Variants in GARRE1 observed in about 807,000 individuals in gnomAD.
The protein encoded by GARRE1 is granule associated Rac and RHOG effector protein 1.
In GARRE1, 49 loss-of-function variants were observed where a neutral mutation model predicts 103.2. That is an observed-to-expected ratio of 0.47 (90% CI 0.38 to 0.60). The LOEUF is 0.60. Ranked by LOEUF, GARRE1 falls within the 20% of genes least tolerant of loss-of-function variation. GARRE1 has a pLI of 0.00. For synonymous variants in GARRE1, 505 were observed against 532.8 expected (o/e 0.95, Z 0.72); for missense variants, 1,199 against 1,370.5 (o/e 0.87, Z 1.98).
At position 34,301,057 on chromosome 19, in the gene GARRE1, G is replaced by A. The variant is rs891316055; in HGVS notation, c.495+89G>A. On this transcript the variant is annotated intron_variant, in intron 2 of 13. Coordinates refer to ENST00000299505, the MANE Select transcript of GARRE1 (RefSeq NM_014686.5). ...GTCTTAAGTTTTTTTCCAAATCACT[G>A]TAATAGTAGCCTTTGTCCTCTTGCT... 9.7e-6 allele frequency: 13 copies of A among 1,344,886 alleles called. No individual in the cohort carries two copies. The Admixed American group carries it at 2.1e-4, about 22-fold the overall frequency. The allele number at this position is 1,344,886 out of a possible 1,614,324, so 83.3% of individuals were successfully genotyped here.
rs530964966 is a variant in GARRE1, at chr19:34,352,536, T to C, written c.2905-111T>C. The stretch of plus-strand genomic sequence containing the variant: ...TGTTGGACAGGGGTGTGGGAGTGAG[T>C]GGGGCTCTCACCCGGCTTCCTAGGA... On this transcript the variant is annotated intron_variant, in intron 13 of 13. Coordinates refer to ENST00000299505, the MANE Select transcript of GARRE1 (RefSeq NM_014686.5). The C allele has an allele frequency of 1.4e-5, 12 of 843,504 alleles. No individual in the cohort carries two copies. The Admixed American group carries it at 2.2e-4, about 15-fold the overall frequency. The allele number at this position is 843,504 out of a possible 1,614,324, so 52.3% of individuals were successfully genotyped here.
At chr19:34,334,456 TGGG>T (rs1192865979) in intron 8 of GARRE1, among the ~76,000 whole-genome samples, 1 of 152,156 alleles carries the variant, frequency 6.6e-6, no homozygotes, top group Non-Finnish European at 1.5e-5. Context: ...CCTAGCACTT[TGGG>T]AGGCCAAGGC....
At chr19:34,329,039 T>A (rs1435096202) in intron 6 of GARRE1, among the ~76,000 whole-genome samples, 1 of 152,246 alleles carries the variant, frequency 6.6e-6, no homozygotes, top group Non-Finnish European at 1.5e-5. Flanking sequence ...GATGTTGTTA[T>A]AATGCTGCAG....
chr19:34,292,286 T>A (rs1166150982), intron 1 of GARRE1, among the ~76,000 whole-genome samples: 2 of 152,270 alleles, frequency 1.3e-5, no homozygotes, highest in Non-Finnish European at 2.9e-5. Flanking sequence ...TTCGTCCATA[T>A]TGTAGCATTT....
intron 2 of GARRE1, among the ~76,000 whole-genome samples, chr19:34,311,539 C>T (rs977185470): frequency 1.1e-4 from 17 of 152,144 alleles, no homozygotes; most frequent in Admixed American, 9.8e-4. Context: ...GATGCCCTGG[C>T]GTCTCCATTC....
chr19:34,282,622 C>A (rs2073862586), intron 1 of GARRE1, among the ~76,000 whole-genome samples: 2 of 152,136 alleles, frequency 1.3e-5, no homozygotes, highest in African/African-American at 2.4e-5. Flanking sequence ...GTCTGGTGAT[C>A]CTTATCAATG....
intron 1 of GARRE1, among the ~76,000 whole-genome samples, chr19:34,262,385 T>C (rs1471585499): frequency 2.9e-5 from 4 of 138,814 alleles, no homozygotes; most frequent in African/African-American, 5.7e-5. Flanking sequence ...AACCTCCACC[T>C]CCTGGGTCGA....
chr19:34,257,058 A>T (rs1481484322), intron 1 of GARRE1, among the ~76,000 whole-genome samples: 1 of 152,172 alleles, frequency 6.6e-6, no homozygotes. Context: ...GTAGGTTGGC[A>T]TTGGAGACCA....
intron 1 of GARRE1, among the ~76,000 whole-genome samples, chr19:34,261,452 G>C (rs1050082381): frequency 6.6e-6 from 1 of 151,942 alleles, no homozygotes; most frequent in Non-Finnish European, 1.5e-5. Context: ...CCATGGAACT[G>C]CTTGCTTCTG....
At chr19:34,319,747 C>CAA (rs2074076468) in intron 2 of GARRE1, among the ~76,000 whole-genome samples, 160 bp from the exon 3 acceptor site, 1 of 150,872 alleles carries the variant, frequency 6.6e-6, no homozygotes, top group East Asian at 1.9e-4. Context: ...AACACAAAAA[C>CAA]AAAGGCAGAT....
intron 12 of GARRE1, among the ~76,000 whole-genome samples, chr19:34,350,165 A>G (rs1162273149): frequency 6.6e-6 from 1 of 152,236 alleles, no homozygotes; most frequent in Non-Finnish European, 1.5e-5. Flanking sequence ...TTCTATTTCC[A>G]GCACTTAGTC....
intron 10 of GARRE1, among the ~76,000 whole-genome samples, chr19:34,344,114 C>G (rs1396223291): frequency 1.3e-5 from 2 of 152,104 alleles, no homozygotes; most frequent in South Asian, 2.1e-4. Context: ...TGAACCCCCC[C>G]CACAAAAAAA....
chr19:34,325,017 C>T (rs1276746051), intron 3 of GARRE1, among the ~76,000 whole-genome samples: 3 of 152,318 alleles, frequency 2.0e-5, no homozygotes, highest in East Asian at 3.9e-4. Flanking sequence ...GTGCCTTCTT[C>T]CATGTTTTCA....
chr19:34,265,391 G>A lies in GARRE1; in HGVS notation c.-796+10777G>A, dbSNP rs141369382. On this transcript the variant is annotated intron_variant, in intron 1 of 13. Transcript: ENST00000299505. ...CCTGGGTGTCAAGGTGGGAGAGAAT[G>A]CGCTACATCCTTGTGCTTGAGTCAC... Among the ~76,000 whole-genome samples, 9 of 152,310 alleles carry A rather than the reference G, an allele frequency of 5.9e-5. No homozygotes were observed. In the South Asian group the frequency reaches 1.0e-3, roughly 18 times the overall value.
intron 3 of GARRE1, among the ~76,000 whole-genome samples, chr19:34,321,775 C>T (rs757280235): frequency 3.9e-5 from 6 of 152,182 alleles, no homozygotes; most frequent in Non-Finnish European, 7.3e-5. Context: ...TGCACTGGGC[C>T]AACATGAAGT....
intron 2 of GARRE1, among the ~76,000 whole-genome samples, chr19:34,316,467 G>C (rs1196348097): frequency 6.6e-6 from 1 of 152,162 alleles, no homozygotes; most frequent in Non-Finnish European, 1.5e-5. Flanking sequence ...CCAAAGACTG[G>C]CTCATTCCTG....
rs1049409115 is a variant in GARRE1 at position 34,296,386 on chromosome 19, G to A, written c.-795-3293G>A. ...TGATCCTTGGCCTTGGCCTTTAGCC[G>A]GCACAGCCTGAGTCCCTTGGCAGTG... On this transcript the variant is annotated intron_variant, in intron 1 of 13. Transcript: ENST00000299505. 14 of 1,465,418 alleles carry A rather than the reference G, an allele frequency of 9.6e-6. No individual in the cohort carries two copies. In the East Asian group the frequency reaches 1.1e-4, roughly 12 times the overall value. The allele number at this position is 1,465,418 out of a possible 1,614,324, so 90.8% of individuals were successfully genotyped here.
chr19:34,300,652 C>A lies in GARRE1; in HGVS notation c.179C>A (p.Ala60Glu), dbSNP rs1235027531. 1.2e-6 allele frequency: 2 copies of A among 1,613,874 alleles called. No individual in the cohort carries two copies. The highest frequency in any genetic ancestry group is 1.7e-6 in the Non-Finnish European group (2 of 1,180,006). Reference sequence around the variant, plus strand: ...GCCCCCCTGGGCAGTCTGACCGCTGCAGGCAGCTGCCACCATGCCATGCCC... The same window carrying A: ...GCCCCCCTGGGCAGTCTGACCGCTGAAGGCAGCTGCCACCATGCCATGCCC... ...TTAPLGSLTA[A>E]GSCHHAMPHT... The change falls in exon 2 of 14, where the codon GCA becomes GAA. Residue 60 changes from alanine (A) to glutamate (E), a missense_variant. Transcript: ENST00000299505.
intron 1 of GARRE1, among the ~76,000 whole-genome samples, chr19:34,279,063 C>T (rs113980981): frequency 0.017 from 2,619 of 152,262 alleles, 63 homozygotes; most frequent in African/African-American, 0.059. Flanking sequence ...ATTGTTTCCA[C>T]CTTTTGACTA....
Sources: gnomAD v4.1 joint callset for allele counts (sites outside exome capture counted in the v4.1 genomes callset) on GRCh38, gnomAD v4.1.1 for gene constraint, MANE v1.5 for transcripts, NCBI Gene and HGNC (gene_info 2026-07-23, HGNC 2026-07-21) for gene names.